The following NALF1 variants were observed in gnomAD, a reference collection of about 807,000 sequenced individuals.
The protein encoded by NALF1 is family with sequence similarity 155 member A.
In NALF1, 3 loss-of-function variants were observed where a neutral mutation model predicts 48.4. The ratio of observed to expected loss-of-function variants is 0.06; its 90% confidence interval spans 0.03 to 0.16. The LOEUF is 0.16. Ranked by LOEUF, NALF1 falls within the 10% of genes least tolerant of loss-of-function variation. The pLI, the probability that NALF1 is intolerant of heterozygous loss-of-function variation, is 1.00. For synonymous variants in NALF1, 262 were observed against 245.7 expected, an observed-to-expected ratio of 1.07 and a Z score of -0.62; for missense variants, 526 against 571.5, an observed-to-expected ratio of 0.92 and a Z score of 0.81.
chr13:107,716,828 G>C (rs1169792306), intron 1 of NALF1, among the ~76,000 whole-genome samples: 1 of 152,024 alleles, frequency 6.6e-6, no homozygotes, highest in East Asian at 2.0e-4. Context: ...AGTGGTAGAG[G>C]AGTGGAATTA....
intron 1 of NALF1, among the ~76,000 whole-genome samples, chr13:107,256,155 T>G (rs1484612634): frequency 6.6e-6 from 1 of 152,220 alleles, no homozygotes; most frequent in African/African-American, 2.4e-5. Context: ...AAATTTAGAT[T>G]ATATTAAAAA....
At chr13:107,577,144 C>T (rs1878178048) in intron 1 of NALF1, among the ~76,000 whole-genome samples, 1 of 152,162 alleles carries the variant, frequency 6.6e-6, no homozygotes, top group Non-Finnish European at 1.5e-5. Flanking sequence ...GTTCCATCTT[C>T]TACCATTGAC....
At chr13:107,355,348 A>C (rs980736265) in intron 1 of NALF1, among the ~76,000 whole-genome samples, 1 of 152,182 alleles carries the variant, frequency 6.6e-6, no homozygotes, top group African/African-American at 2.4e-5. Context: ...ATTATGCATG[A>C]GACTTGGTCT....
chr13:107,411,872 T>C (rs1594048712), intron 1 of NALF1, among the ~76,000 whole-genome samples: 1 of 151,920 alleles, frequency 6.6e-6, no homozygotes, highest in African/African-American at 2.4e-5. Flanking sequence ...ACAGCTTGGA[T>C]GGATGTCAAA....
intron 2 of NALF1, among the ~76,000 whole-genome samples, chr13:107,201,468 T>C (rs1166665573): frequency 1.3e-5 from 2 of 152,018 alleles, no homozygotes; most frequent in African/African-American, 4.8e-5. Flanking sequence ...TCCCAGCTAC[T>C]CGGGAGGCTG....
At chr13:107,374,773 A>C (rs1461604298) in intron 1 of NALF1, among the ~76,000 whole-genome samples, 1 of 152,130 alleles carries the variant, frequency 6.6e-6, no homozygotes, top group African/African-American at 2.4e-5. Context: ...TTTGTTATGA[A>C]GGTGAGTTTG....
intron 2 of NALF1, among the ~76,000 whole-genome samples, chr13:107,204,198 A>G (rs1488758789): frequency 6.6e-6 from 1 of 152,132 alleles, no homozygotes; most frequent in Non-Finnish European, 1.5e-5. Context: ...CTGCTCTCCA[A>G]CAAGTGTCAC....
intron 1 of NALF1, among the ~76,000 whole-genome samples, chr13:107,803,935 C>G (rs571451773): frequency 6.6e-6 from 1 of 152,152 alleles, no homozygotes; most frequent in Non-Finnish European, 1.5e-5. Flanking sequence ...TCTATTATTT[C>G]GGCCCAATCT....
At chr13:107,677,331 C>T (rs1881158443) in intron 1 of NALF1, among the ~76,000 whole-genome samples, 1 of 152,168 alleles carries the variant, frequency 6.6e-6, no homozygotes, top group South Asian at 2.1e-4. Flanking sequence ...CATGAGCCAC[C>T]GTGCCCAGCC....
chr13:107,704,142 T>C (rs1881891470), intron 1 of NALF1, among the ~76,000 whole-genome samples: 2 of 152,322 alleles, frequency 1.3e-5, no homozygotes, highest in African/African-American at 2.4e-5. Context: ...TTTTTGGTCC[T>C]TGATCTTATG....
At chr13:107,226,464 C>G (rs1880109176) in intron 1 of NALF1, among the ~76,000 whole-genome samples, 1 of 152,134 alleles carries the variant, frequency 6.6e-6, no homozygotes, top group Non-Finnish European at 1.5e-5. Flanking sequence ...CTGTTTCTTT[C>G]ACATGGTATA....
chr13:107,590,248 A>T (rs1878569425), intron 1 of NALF1, among the ~76,000 whole-genome samples: 1 of 152,030 alleles, frequency 6.6e-6, no homozygotes, highest in African/African-American at 2.4e-5. Context: ...CTTGCAAAAT[A>T]TTAATTTTAT....
At chr13:107,739,145 AC>A (rs1262397576) in intron 1 of NALF1, among the ~76,000 whole-genome samples, 11 of 151,858 alleles carry the variant, frequency 7.2e-5, no homozygotes. Context: ...AACATCACAC[AC>A]CAGGGCCTGT....
intron 1 of NALF1, among the ~76,000 whole-genome samples, chr13:107,525,323 T>C (rs1876395321): frequency 6.6e-6 from 1 of 152,140 alleles, no homozygotes; most frequent in Non-Finnish European, 1.5e-5. Flanking sequence ...CTCATCTTCA[T>C]AGTTTTGTCT....
Position 107,258,421 on chromosome 13 carries a change from C to T in NALF1, c.916-47666G>A, listed in dbSNP as rs187671928. Among the ~76,000 whole-genome samples the T allele has an allele frequency of 6.9e-4, 105 of 152,276 alleles. 3 individuals are homozygous for T. The highest frequency in any genetic ancestry group is 6.7e-3 in the Admixed American group (103 of 15,290). ...AAACACAACGTTTACATTGCCATAT[C>T]CCGTTCCTGCAGCTAGAGAGAGGTA... On this transcript the variant is annotated intron_variant, in intron 1 of 2. Coordinates refer to ENST00000375915, the MANE Select transcript of NALF1 (RefSeq NM_001080396.3).
At chr13:107,838,191 G>GAAACAAAC (rs914321553) in intron 1 of NALF1, among the ~76,000 whole-genome samples, 6 of 151,934 alleles carry the variant, frequency 3.9e-5, no homozygotes, top group Non-Finnish European at 7.4e-5. Context: ...AATGTAGCCA[G>GAAACAAAC]AAACAAACAA....
chr13:107,501,313 G>A (rs1238156988), intron 1 of NALF1, among the ~76,000 whole-genome samples: 1 of 152,036 alleles, frequency 6.6e-6, no homozygotes, highest in African/African-American at 2.4e-5. Context: ...ACAGCGTGGG[G>A]GATCATATTT....
At chr13:107,302,842 A>T (rs1464217019) in intron 1 of NALF1, among the ~76,000 whole-genome samples, 3 of 151,962 alleles carry the variant, frequency 2.0e-5, no homozygotes, top group Non-Finnish European at 4.4e-5. Flanking sequence ...TCTCTCTCTC[A>T]CTCTCTCACA....
rs375512626 is a variant in NALF1 at position 107,573,301 on chromosome 13, G to A, written c.915+292381C>T. ...ATTTTTTTATCTTGTACATTTTGGTGTAGATCTCTCTTAAAATTTGGCTTT... is the reference window on the plus strand; with the variant it reads ...ATTTTTTTATCTTGTACATTTTGGTATAGATCTCTCTTAAAATTTGGCTTT... On this transcript the variant is annotated intron_variant, in intron 1 of 2. Transcript: ENST00000375915. 1.1e-3 allele frequency among the ~76,000 whole-genome samples: 174 copies of A among 152,094 alleles called. 6 individuals carry two copies. The South Asian group carries it at 0.035, about 31-fold the overall frequency.
Sources: allele counts gnomAD v4.1 joint callset (sites outside exome capture counted in the v4.1 genomes callset), GRCh38; gene constraint gnomAD v4.1.1; transcripts MANE v1.5; gene names NCBI Gene and HGNC (gene_info 2026-07-23, HGNC 2026-07-21).